The following NYAP2 variants were observed in gnomAD, a reference collection of about 807,000 sequenced individuals.
NYAP2 encodes neuronal tyrosine-phosphorylated phosphoinositide-3-kinase adapter 2.
Under a neutral mutation model 50.4 loss-of-function variants are expected in NYAP2, and 23 were observed. The ratio of observed to expected loss-of-function variants is 0.46; its 90% confidence interval spans 0.33 to 0.65. The LOEUF is 0.65. NYAP2 is among the 30% of genes least tolerant of loss of function. The pLI, the probability that NYAP2 is intolerant of heterozygous loss-of-function variation, is 0.02. For missense variants in NYAP2, 885 were observed against 861.0 expected (o/e 1.03, Z -0.35); for synonymous variants, 394 against 365.2 (o/e 1.08, Z -0.90).
chr2:225,619,676 C>A (rs189561881), intron 5 of NYAP2, among the ~76,000 whole-genome samples: 1 of 152,214 alleles, frequency 6.6e-6, no homozygotes, highest in Admixed American at 6.5e-5. Context: ...GACCCACAGA[C>A]AGCATAGAGA....
At chr2:225,406,647 A>T (rs1694944621) in intron 2 of NYAP2, among the ~76,000 whole-genome samples, 1 of 151,952 alleles carries the variant, frequency 6.6e-6, no homozygotes. Flanking sequence ...TTCAATTTTC[A>T]TTACTTTGAA....
intron 3 of NYAP2, among the ~76,000 whole-genome samples, chr2:225,442,200 A>G (rs190321045): frequency 2.3e-4 from 35 of 152,300 alleles, no homozygotes; most frequent in Admixed American, 2.2e-3. Context: ...TTAGGTGAGG[A>G]GGAGTAGTTG....
chr2:225,629,911 G>A (rs370116705), intron 6 of NYAP2, among the ~76,000 whole-genome samples: 76 of 152,276 alleles, frequency 5.0e-4, no homozygotes, highest in African/African-American at 1.8e-3. Context: ...GTTTTCGTGA[G>A]AACAAGCCAT....
the NYAP2 span, among the ~76,000 whole-genome samples, chr2:225,676,235 T>C: frequency 1.3e-5 from 2 of 152,146 alleles, no homozygotes; most frequent in African/African-American, 4.8e-5. Flanking sequence ...AAAACCTAGG[T>C]TGAGAAGGGT....
At chr2:225,401,211 C>T (rs1404171086) in intron 2 of NYAP2, among the ~76,000 whole-genome samples, 168 bp downstream of exon 2, 1 of 151,988 alleles carries the variant, frequency 6.6e-6, no homozygotes, top group African/African-American at 2.4e-5. Flanking sequence ...TGAAGGCATC[C>T]AGGGCTTTAG....
chr2:225,483,928 C>G (rs914115277), intron 3 of NYAP2, among the ~76,000 whole-genome samples: 2 of 152,016 alleles, frequency 1.3e-5, no homozygotes, highest in South Asian at 4.2e-4. Context: ...ATAAAATTTA[C>G]TTTAAAATTT....
At chr2:225,418,706 C>T (rs1695165397) in intron 3 of NYAP2, among the ~76,000 whole-genome samples, 1 of 152,144 alleles carries the variant, frequency 6.6e-6, no homozygotes, top group Non-Finnish European at 1.5e-5. Flanking sequence ...GTAAGAATTT[C>T]ATGTTTCATT....
the NYAP2 span, among the ~76,000 whole-genome samples, chr2:225,666,736 C>A: frequency 0.011 from 1,697 of 152,012 alleles, 26 homozygotes; most frequent in African/African-American, 0.037. Flanking sequence ...CTTATTTGGA[C>A]CTTTAAAAAG....
chr2:225,538,826 CTTTCTTTCTTTCTTTCTTTCTTTG>C (rs199955719), intron 4 of NYAP2, among the ~76,000 whole-genome samples: 1,111 of 72,292 alleles, frequency 0.015, 58 homozygotes, highest in African/African-American at 0.053. Context: ...TTCTTTCTTT[CTTTCTTTCTTTCTTTCTTTCTTTG>C]TTTTTATTAT....
At chr2:225,659,551 G>C in the NYAP2 span, among the ~76,000 whole-genome samples, 1 of 152,248 alleles carries the variant, frequency 6.6e-6, no homozygotes, top group South Asian at 2.1e-4. Context: ...AAATGTCAAA[G>C]GCTATGACAT....
chr2:225,585,289 A>G (rs1034317941), intron 5 of NYAP2, among the ~76,000 whole-genome samples: 1 of 152,218 alleles, frequency 6.6e-6, no homozygotes, highest in Non-Finnish European at 1.5e-5. Context: ...TGGTGAGACA[A>G]TGGGATTTCC....
chr2:225,562,369 T>C (rs1365777955), intron 4 of NYAP2, among the ~76,000 whole-genome samples: 3 of 152,154 alleles, frequency 2.0e-5, no homozygotes, highest in South Asian at 4.1e-4. Flanking sequence ...ATGTGTTCAA[T>C]GTCTCAATTA....
At chr2:225,677,773 C>T in the NYAP2 span, among the ~76,000 whole-genome samples, 1 of 152,072 alleles carries the variant, frequency 6.6e-6, no homozygotes, top group Non-Finnish European at 1.5e-5. Flanking sequence ...TCTTCTTGAT[C>T]ATCTTAAATT....
At chr2:225,565,691 G>A (rs767901482) in intron 4 of NYAP2, among the ~76,000 whole-genome samples, 1 of 152,024 alleles carries the variant, frequency 6.6e-6, no homozygotes, top group African/African-American at 2.4e-5. Flanking sequence ...TATATCCCAG[G>A]CAGTATGCTA....
intron 3 of NYAP2, among the ~76,000 whole-genome samples, chr2:225,509,278 AT>A (rs547228768): frequency 3.4e-4 from 51 of 152,214 alleles, no homozygotes; most frequent in Non-Finnish European, 6.5e-4. Flanking sequence ...CCAAGACAGT[AT>A]CAAGAGGCAC....
intron 4 of NYAP2, among the ~76,000 whole-genome samples, chr2:225,533,263 G>A (rs1353323107): frequency 6.6e-6 from 1 of 152,212 alleles, no homozygotes; most frequent in African/African-American, 2.4e-5. Flanking sequence ...ACCAAACTGA[G>A]TAATGTCCTT....
intron 3 of NYAP2, among the ~76,000 whole-genome samples, chr2:225,455,106 A>C (rs1343340092): frequency 6.6e-6 from 1 of 152,102 alleles, no homozygotes; most frequent in Non-Finnish European, 1.5e-5. Flanking sequence ...AAACAAAACA[A>C]AACAAAACAA....
chr2:225,564,757 A>AT (rs570276141), intron 4 of NYAP2, among the ~76,000 whole-genome samples: 133 of 152,078 alleles, frequency 8.7e-4, no homozygotes, highest in East Asian at 7.0e-3. Flanking sequence ...AATATTCTCT[A>AT]TTTTTTTAAC....
the NYAP2 span, chr2:225,703,397 A>T: frequency 6.6e-6 from 1 of 151,678 alleles, no homozygotes; most frequent in African/African-American, 2.4e-5. Flanking sequence ...TAGATAACAG[A>T]TTTCTCTACT....
Sources: allele counts gnomAD v4.1 joint callset (sites outside exome capture counted in the v4.1 genomes callset), GRCh38; gene constraint gnomAD v4.1.1; transcripts MANE v1.5; gene names NCBI Gene and HGNC (gene_info 2026-07-23, HGNC 2026-07-21).